The following PALS2 variants were observed in gnomAD, a reference collection of about 807,000 sequenced individuals.
The protein encoded by PALS2 is protein PALS2.
PALS2 carries 27 observed loss-of-function variants against 61.6 expected under a neutral mutation model. The observed-to-expected ratio is 0.44, with a 90% CI of 0.32 to 0.60. PALS2 has a LOEUF of 0.60. Among genes scored for constraint, PALS2 ranks in the 20% least tolerant of loss-of-function variants. The pLI, the probability that PALS2 is intolerant of heterozygous loss-of-function variation, is 0.05. For missense variants in PALS2, 554 were observed against 639.4 expected (o/e 0.87, Z 1.44); for synonymous variants, 236 against 218.6 (o/e 1.08, Z -0.70).
At chr7:24,662,800 A>AAAAAAAAAAAAAG (rs1554311606) in intron 5 of PALS2, among the ~76,000 whole-genome samples, 2 of 130,736 alleles carry the variant, frequency 1.5e-5, no homozygotes, top group African/African-American at 3.1e-5. Context: ...AAAAAAAGAA[A>AAAAAAAAAAAAAG]GAAAGAAAGA....
At chr7:24,633,166 G>C (rs1272368505) in intron 2 of PALS2, among the ~76,000 whole-genome samples, 2 of 151,664 alleles carry the variant, frequency 1.3e-5, no homozygotes, top group Admixed American at 6.6e-5. Flanking sequence ...TCTAGCACTC[G>C]TCTTTATATC....
chr7:24,681,203 A>G (rs2721782), intron 11 of PALS2, among the ~76,000 whole-genome samples: 12,283 of 152,054 alleles, frequency 0.081, 577 homozygotes, highest in African/African-American at 0.13. Context: ...TTTCTATTAC[A>G]TGTTTTTTCC....
intron 2 of PALS2, among the ~76,000 whole-genome samples, chr7:24,635,255 A>G (rs1785181610): frequency 1.3e-5 from 2 of 152,000 alleles, no homozygotes; most frequent in Non-Finnish European, 1.5e-5. Context: ...TCAGAGTATA[A>G]ATTTTGCACT....
At chr7:24,668,367 C>T in intron 8 of PALS2, 132 bp from the exon 9 acceptor site, 1 of 770,488 alleles carries the variant, frequency 1.3e-6, no homozygotes. Context: ...AAAAACAAAT[C>T]TATGCTAAGT....
intron 9 of PALS2, chr7:24,674,554 A>G (rs1346385348): frequency 6.6e-6 from 1 of 152,244 alleles, no homozygotes; most frequent in Non-Finnish European, 1.5e-5. Context: ...CTGCTGGACA[A>G]CTGGCACTCT....
intron 11 of PALS2, among the ~76,000 whole-genome samples, chr7:24,681,274 T>TGTATACA (rs1787913106): frequency 6.6e-6 from 1 of 152,292 alleles, no homozygotes; most frequent in East Asian, 1.9e-4. Context: ...AAAGAGGGAA[T>TGTATACA]AAATGAGTCC....
rs114022969 is a variant in PALS2 at position 24,602,615 on chromosome 7, A to C, written c.-2-21051A>C. On this transcript the variant is annotated intron_variant, in intron 1 of 11. Transcript: ENST00000222644. ...AGAATCAGGTGGAGGGGTTTGTATC[A>C]GCATTTAATAATCCTGTCTTCTATA... 5.2e-3 allele frequency among the ~76,000 whole-genome samples: 792 copies of C among 152,316 alleles called. 7 individuals are homozygous for C. Among genetic ancestry groups the C allele is most frequent in the African/African-American group, 0.017 (725 of 41,582 alleles).
chr7:24,647,806 C>T (rs1029729729), intron 3 of PALS2, among the ~76,000 whole-genome samples: 3 of 151,962 alleles, frequency 2.0e-5, no homozygotes, highest in Non-Finnish European at 2.9e-5. Context: ...ATTTTTTATT[C>T]AGTGTTTTAA....
chr7:24,647,505 C>G (rs920651801), intron 3 of PALS2, among the ~76,000 whole-genome samples: 6 of 152,100 alleles, frequency 3.9e-5, no homozygotes, highest in African/African-American at 1.4e-4. Flanking sequence ...CAGCTCAGCT[C>G]TAATTTTTGT....
chr7:24,637,605 G>A (rs531574285), intron 2 of PALS2, among the ~76,000 whole-genome samples: 36 of 152,016 alleles, frequency 2.4e-4, no homozygotes, highest in African/African-American at 8.7e-4. Context: ...TTTATGATAT[G>A]GTCCTTGTGT....
chr7:24,597,058 A>G (rs1208646376), intron 1 of PALS2: 3 of 152,174 alleles, frequency 2.0e-5, no homozygotes, highest in African/African-American at 7.2e-5. Context: ...TGATGTCGTA[A>G]TATAAATGAG....
chr7:24,573,476 C>A lies in PALS2; in HGVS notation c.-120C>A. ...CGCATTTCCAGTTCTCAACTACGAG[C>A]CACGAGTTTGCAGATGGGGCTGCTC... On this transcript the variant is annotated 5_prime_UTR_variant, in exon 1 of 12. Transcript: ENST00000222644. This position sits in a 1 kb window ranked among gnomAD's most constrained non-coding sequence, Gnocchi z 5.3. 1 of 382,748 alleles carries A rather than the reference C, an allele frequency of 2.6e-6. No homozygotes were observed. The highest frequency in any genetic ancestry group is 4.6e-6 in the Non-Finnish European group (1 of 216,412). The allele number at this position is 382,748 out of a possible 1,614,324, so 23.7% of individuals were successfully genotyped here. A position where few individuals can be genotyped will look rare whatever the true frequency, so the allele number is the denominator to read the frequency against.
rs1784380012 is a variant in PALS2, at chr7:24,618,624, AT to A, written c.-2-5041del. Among the ~76,000 whole-genome samples the A allele has an allele frequency of 6.6e-6, 1 of 152,160 alleles. No homozygotes were observed. The highest frequency in any genetic ancestry group is 1.5e-5 in the Non-Finnish European group (1 of 68,018). Reference sequence around the variant, plus strand: ...TGGATTCTCCTGTAGTAAGGATTGCATGTGTTTGCAGTGGGAGTGGAGGCTG... The same window carrying A: ...TGGATTCTCCTGTAGTAAGGATTGCAGTGTTTGCAGTGGGAGTGGAGGCTG... On this transcript the variant is annotated intron_variant, in intron 1 of 11. Transcript: ENST00000222644. The surrounding 1 kb of genome is among the most constrained non-coding windows in gnomAD (Gnocchi z 5.1).
chr7:24,585,748 G>A (rs1253391653), intron 1 of PALS2, among the ~76,000 whole-genome samples: 1 of 152,058 alleles, frequency 6.6e-6, no homozygotes, highest in African/African-American at 2.4e-5. Context: ...TCCCAGGCTG[G>A]ACTGCAGTGC....
chr7:24,622,683 C>CTTTTTTTTTTTTTTTTTTT (rs70942815), intron 1 of PALS2, among the ~76,000 whole-genome samples: 1 of 135,698 alleles, frequency 7.4e-6, no homozygotes, highest in Non-Finnish European at 1.6e-5. Flanking sequence ...TTTCTTTTTT[C>CTTTTTTTTTTTTTTTTTTT]TTTTTTTTTT....
Position 24,687,803 on chromosome 7 carries a change from T to C in PALS2, c.*189T>C, listed in dbSNP as rs1021652729. On this transcript the variant is annotated 3_prime_UTR_variant, in exon 12 of 12. Transcript: ENST00000222644. The surrounding 1 kb of genome is among the most constrained non-coding windows in gnomAD (Gnocchi z 4.5). ...AATGTGGTTGGAAGGTGTACTAATA[T>C]ATAATTTATCTTAATTTTTCTAACT... 1.1e-5 allele frequency: 5 copies of C among 444,402 alleles called. No individual in the cohort carries two copies. The highest frequency in any genetic ancestry group is 4.4e-5 in the Admixed American group (1 of 22,930). 27.5% of individuals were successfully genotyped at this position (444,402 alleles called of 1,614,324 possible).
intron 1 of PALS2, among the ~76,000 whole-genome samples, chr7:24,578,883 A>G (rs1782735821): frequency 6.6e-6 from 1 of 152,208 alleles, no homozygotes; most frequent in African/African-American, 2.4e-5. Context: ...AAGTATCTGA[A>G]AAGCACTCTT....
intron 1 of PALS2, among the ~76,000 whole-genome samples, chr7:24,621,717 A>C (rs999645483): frequency 6.6e-6 from 1 of 152,058 alleles, no homozygotes; most frequent in Non-Finnish European, 1.5e-5. Flanking sequence ...TTTATAAGCC[A>C]TTTAGTACTA....
chr7:24,625,271 T>C (rs1784693579), intron 2 of PALS2, among the ~76,000 whole-genome samples: 1 of 152,194 alleles, frequency 6.6e-6, no homozygotes, highest in Admixed American at 6.5e-5. Context: ...TTGTCAGTTA[T>C]TGTCCATGTA....
Sources: allele counts gnomAD v4.1 joint callset (sites outside exome capture counted in the v4.1 genomes callset), GRCh38; gene constraint gnomAD v4.1.1; non-coding constraint Gnocchi (gnomAD v3.1); transcripts MANE v1.5; gene names NCBI Gene and HGNC (gene_info 2026-07-23, HGNC 2026-07-21).